Variants in ABCG2 observed in about 807,000 individuals in gnomAD.
ABCG2 encodes the protein ATP binding cassette subfamily G member 2 (JR blood group).
Under a neutral mutation model 73.5 loss-of-function variants are expected in ABCG2, and 80 were observed. That is an observed-to-expected ratio of 1.09 (90% CI 0.91 to 1.31). ABCG2 has a LOEUF of 1.31. Among genes scored for constraint, ABCG2 ranks in the 50% most tolerant of loss-of-function variants. The pLI, the probability that ABCG2 is intolerant of heterozygous loss-of-function variation, is 0.00. For synonymous variants in ABCG2, 269 were observed against 282.4 expected (o/e 0.95, Z 0.48); for missense variants, 796 against 786.2 (o/e 1.01, Z -0.15).
At chr4:88,155,303 AG>A (rs1726862311) in intron 1 of ABCG2, among the ~76,000 whole-genome samples, 2 of 152,206 alleles carry the variant, frequency 1.3e-5, no homozygotes, top group Admixed American at 6.5e-5. Context: ...CACGATTGGC[AG>A]GGAGAGCACG....
intron 15 of ABCG2, 54 bp downstream of exon 15, chr4:88,094,523 T>C (rs770419503): frequency 1.0e-4 from 149 of 1,478,288 alleles, no homozygotes; most frequent in Non-Finnish European, 1.4e-4. Context: ...GTAGCCTTTA[T>C]ACATCACACC....
At chr4:88,220,222 T>C (rs925015871) in intron 1 of ABCG2, among the ~76,000 whole-genome samples, 8 of 152,252 alleles carry the variant, frequency 5.3e-5, no homozygotes, top group African/African-American at 1.9e-4. Context: ...CATTCAACAG[T>C]TGATGAACAT....
chr4:88,231,251 G>A (rs750826967), exon 1 of ABCG2: 2 of 152,158 alleles, frequency 1.3e-5, no homozygotes, highest in Non-Finnish European at 2.9e-5. Context: ...GAGGCTTTCC[G>A]AGTAAACTAG....
At chr4:88,111,094 C>G (rs1049435738) in intron 9 of ABCG2, among the ~76,000 whole-genome samples, 1 of 152,226 alleles carries the variant, frequency 6.6e-6, no homozygotes, top group Non-Finnish European at 1.5e-5. Flanking sequence ...GTGTGAAAAA[C>G]AGCTCTGTGT....
chr4:88,126,151 C>T (rs763062759), intron 5 of ABCG2, among the ~76,000 whole-genome samples: 8 of 152,138 alleles, frequency 5.3e-5, no homozygotes, highest in Non-Finnish European at 1.0e-4. Context: ...CTATAAACAC[C>T]TCTACGCAAA....
At position 88,103,219 on chromosome 4, in the gene ABCG2, C is replaced by T. The variant is rs561932932; in HGVS notation, c.1278-1900G>A. 2.0e-5 allele frequency among the ~76,000 whole-genome samples: 3 copies of T among 152,296 alleles called. No individual in the cohort carries two copies. The East Asian group carries it at 5.8e-4, about 29-fold the overall frequency. Reference sequence around the variant, plus strand: ...GCTAATTTCAGAACATGGAACATAGCAAAGATTCAATTCAATTTGTTGTCT... The same window carrying T: ...GCTAATTTCAGAACATGGAACATAGTAAAGATTCAATTCAATTTGTTGTCT... On this transcript the variant is annotated intron_variant, in intron 10 of 15. Coordinates refer to ENST00000237612, the MANE Select transcript of ABCG2 (RefSeq NM_004827.3).
chr4:88,164,876 C>T (rs932177186), intron 1 of ABCG2, among the ~76,000 whole-genome samples: 7 of 152,160 alleles, frequency 4.6e-5, no homozygotes, highest in Admixed American at 2.0e-4. Flanking sequence ...CTCCTGGGTT[C>T]AAGCAATTCT....
At chr4:88,188,692 G>A (rs1353940476) in intron 1 of ABCG2, among the ~76,000 whole-genome samples, 2 of 152,286 alleles carry the variant, frequency 1.3e-5, no homozygotes, top group East Asian at 1.9e-4. Context: ...TCTGTAGACT[G>A]TGTTGGGTAG....
intron 12 of ABCG2, 140 bp downstream of exon 12, chr4:88,099,184 G>A (rs904230192): frequency 1.3e-6 from 1 of 753,448 alleles, no homozygotes; most frequent in East Asian, 3.0e-5. Flanking sequence ...GTTTCAGAGA[G>A]TGCAAAATGG....
At chr4:88,191,283 A>AT (rs1452613149) in intron 1 of ABCG2, among the ~76,000 whole-genome samples, 1 of 149,722 alleles carries the variant, frequency 6.7e-6, no homozygotes, top group African/African-American at 2.4e-5. Context: ...AAAAAAAAAA[A>AT]CAAAAAGGGC....
At chr4:88,206,867 A>C (rs1729400789) in intron 1 of ABCG2, among the ~76,000 whole-genome samples, 1 of 152,170 alleles carries the variant, frequency 6.6e-6, no homozygotes, top group Non-Finnish European at 1.5e-5. Flanking sequence ...TGATTGGTGC[A>C]TTTACAATCC....
rs1721651042 is a variant in ABCG2 at position 88,091,656 on chromosome 4, G to A, written c.*578C>T. 6.6e-6 allele frequency: 1 copy of A among 152,096 alleles called. No individual in the cohort carries two copies. The highest frequency in any genetic ancestry group is 2.4e-5 in the African/African-American group (1 of 41,392). 9.4% of individuals were successfully genotyped at this position (152,096 alleles called of 1,614,324 possible). On this transcript the variant is annotated 3_prime_UTR_variant, in exon 16 of 16. Coordinates refer to ENST00000237612, the MANE Select transcript of ABCG2 (RefSeq NM_004827.3). ...TTCCAAACCCTCAGCCAAGATTCCT[G>A]AGATATTATACCACTAGACAGGAAT...
At chr4:88,118,354 C>G in intron 6 of ABCG2, 94 bp from the exon 7 acceptor site, 1 of 1,330,250 alleles carries the variant, frequency 7.5e-7, no homozygotes, top group Non-Finnish European at 1.0e-6. Context: ...ATTGTTTGCT[C>G]TAGTTCAGCC....
intron 1 of ABCG2, among the ~76,000 whole-genome samples, chr4:88,153,642 G>A (rs1344527002): frequency 1.3e-5 from 2 of 152,014 alleles, no homozygotes; most frequent in Non-Finnish European, 2.9e-5. Context: ...GTATAGAGGT[G>A]GGAAGGCCAA....
chr4:88,132,670 A>C (rs1213020473), intron 2 of ABCG2, 35 bp from the exon 3 acceptor site: 1 of 1,610,234 alleles, frequency 6.2e-7, no homozygotes, highest in Admixed American at 1.7e-5. Context: ...TTACTATTCC[A>C]TTTTAAGTCA....
chr4:88,197,176 A>C (rs1394510972), intron 1 of ABCG2, among the ~76,000 whole-genome samples: 4 of 142,406 alleles, frequency 2.8e-5, no homozygotes, highest in Admixed American at 7.5e-5. Flanking sequence ...TACCCAGTAC[A>C]TCATGTCTGG....
At chr4:88,191,741 T>C (rs1246408841) in intron 1 of ABCG2, among the ~76,000 whole-genome samples, 1 of 151,940 alleles carries the variant, frequency 6.6e-6, no homozygotes, top group South Asian at 2.1e-4. Context: ...ATAAAGAAAA[T>C]GTGGTATACT....
intron 15 of ABCG2, 146 bp downstream of exon 15, chr4:88,094,431 G>A (rs150610446): frequency 6.5e-4 from 407 of 629,284 alleles, no homozygotes; most frequent in East Asian, 3.0e-3. Context: ...ATGCATTCGC[G>A]CACAACTCAC....
At chr4:88,134,182 A>G (rs1457977867) in intron 2 of ABCG2, among the ~76,000 whole-genome samples, 1 of 152,236 alleles carries the variant, frequency 6.6e-6, no homozygotes, top group Non-Finnish European at 1.5e-5. Flanking sequence ...TCATTCTCAA[A>G]TAATGATTAG....
Sources: gnomAD v4.1 joint callset for allele counts (sites outside exome capture counted in the v4.1 genomes callset) on GRCh38, gnomAD v4.1.1 for gene constraint, MANE v1.5 for transcripts, NCBI Gene and HGNC (gene_info 2026-07-23, HGNC 2026-07-21) for gene names.